The following PBX3 variants were observed in gnomAD, a reference collection of about 807,000 sequenced individuals.
PBX3 encodes the protein pre-B-cell leukemia transcription factor 3.
PBX3 carries 14 observed loss-of-function variants against 48.5 expected under a neutral mutation model. That is an observed-to-expected ratio of 0.29 (90% confidence interval 0.19 to 0.45). The LOEUF (loss-of-function observed/expected upper bound fraction) is 0.45, where lower values mean the gene tolerates loss of function less well. PBX3 is among the 20% of genes least tolerant of loss of function. The pLI is 1.00. For synonymous variants in PBX3, 210 were observed against 200.3 expected (o/e 1.05, Z -0.41); for missense variants, 386 against 546.7 (o/e 0.71, Z 2.93).
At chr9:125,749,644 TG>T (rs2131942078) in intron 2 of PBX3, 1 of 151,918 alleles carries the variant, frequency 6.6e-6, no homozygotes, top group South Asian at 2.1e-4. Context: ...GAGAAAAAGT[TG>T]AAGTCCAGGA....
At position 125,750,111 on chromosome 9, in the gene PBX3, A is replaced by G. The variant is rs4147324; in HGVS notation, c.274+1488A>G. On this transcript the variant is annotated intron_variant, in intron 2 of 8. Transcript: ENST00000373489. ...ATTCTTAGTTTAGAAGCTTAAAAGT[A>G]TGCAATTCTCAGTAAATTCTGATGC... is the stretch of plus-strand genomic sequence containing the variant. Among the ~76,000 whole-genome samples the G allele has an allele frequency of 9.8e-5, 15 of 152,384 alleles. No homozygotes were observed. In the East Asian group the frequency reaches 2.3e-3, roughly 23 times the overall value.
intron 2 of PBX3, among the ~76,000 whole-genome samples, chr9:125,776,067 T>C (rs1008885840): frequency 1.3e-5 from 2 of 152,198 alleles, no homozygotes; most frequent in Admixed American, 1.3e-4. Context: ...TCCTTTCCAA[T>C]TTGGATGCCT....
chr9:125,769,407 C>A (rs918438879), intron 2 of PBX3, among the ~76,000 whole-genome samples: 31 of 152,310 alleles, frequency 2.0e-4, no homozygotes, highest in African/African-American at 7.0e-4. Flanking sequence ...TTCAGAACTA[C>A]AAGTCTGTGT....
At chr9:125,815,909 G>A (rs1198229497) in intron 2 of PBX3, among the ~76,000 whole-genome samples, 2 of 152,092 alleles carry the variant, frequency 1.3e-5, no homozygotes, top group Non-Finnish European at 2.9e-5. Flanking sequence ...TCATTGTGGT[G>A]TCTCATTTGT....
At chr9:125,780,607 C>T (rs1837248248) in intron 2 of PBX3, among the ~76,000 whole-genome samples, 1 of 131,260 alleles carries the variant, frequency 7.6e-6, no homozygotes, top group South Asian at 2.5e-4. Flanking sequence ...AGGCGCCCCT[C>T]ACCTCCCGGA....
At chr9:125,882,773 A>G (rs112542194) in intron 2 of PBX3, among the ~76,000 whole-genome samples, 1 of 152,176 alleles carries the variant, frequency 6.6e-6, no homozygotes, top group Non-Finnish European at 1.5e-5. Flanking sequence ...CTGCATGTAG[A>G]TATGGTCTGT....
chr9:125,757,335 T>C (rs1042662208), intron 2 of PBX3, among the ~76,000 whole-genome samples: 2 of 152,022 alleles, frequency 1.3e-5, no homozygotes, highest in African/African-American at 2.4e-5. Context: ...AGATATATCA[T>C]TTTCAACTTG....
intron 2 of PBX3, among the ~76,000 whole-genome samples, chr9:125,776,619 T>A (rs1837077636): frequency 6.6e-6 from 1 of 152,240 alleles, no homozygotes; most frequent in South Asian, 2.1e-4. Flanking sequence ...CACTGCAAAC[T>A]CTGCCCCCCG....
At chr9:125,781,593 C>T (rs914483412) in intron 2 of PBX3, among the ~76,000 whole-genome samples, 1 of 146,202 alleles carries the variant, frequency 6.8e-6, no homozygotes, top group Non-Finnish European at 1.5e-5. Context: ...AGGCGAGAGG[C>T]GAGAGGGAGA....
intron 3 of PBX3, among the ~76,000 whole-genome samples, chr9:125,926,538 AT>A (rs1338723438): frequency 6.7e-6 from 1 of 149,800 alleles, no homozygotes; most frequent in Non-Finnish European, 1.5e-5. Flanking sequence ...GCCAGGTGCT[AT>A]TTATTACAGG....
rs999789240 is a variant in PBX3 at position 125,759,369 on chromosome 9, G to A, written c.274+10746G>A. Among the ~76,000 whole-genome samples, 2 of 152,170 alleles carry A rather than the reference G, an allele frequency of 1.3e-5. No individual in the cohort carries two copies. Among genetic ancestry groups the A allele is most frequent in the Non-Finnish European group, 2.9e-5 (2 of 68,026 alleles). On this transcript the variant is annotated intron_variant, in intron 2 of 8. Coordinates refer to ENST00000373489, the MANE Select transcript of PBX3 (RefSeq NM_006195.6). This position sits in a 1 kb window ranked among gnomAD's most constrained non-coding sequence, Gnocchi z 4.2. ...GTGACTAGATAGAGCAGAGGAGAAT[G>A]GCTTCCTCCTGGCTGGTGGGCTGGC...
intron 5 of PBX3, among the ~76,000 whole-genome samples, chr9:125,948,650 G>GGTGTGT (rs1564187167): frequency 3.3e-5 from 5 of 151,800 alleles, no homozygotes; most frequent in Non-Finnish European, 7.4e-5. Context: ...ATGTGTATGT[G>GGTGTGT]GTATGTGTAT....
At chr9:125,835,736 C>T (rs1478069069) in intron 2 of PBX3, among the ~76,000 whole-genome samples, 1 of 152,128 alleles carries the variant, frequency 6.6e-6, no homozygotes, top group Non-Finnish European at 1.5e-5. Flanking sequence ...GATGTAGAGA[C>T]AGGGGAACGT....
intron 2 of PBX3, among the ~76,000 whole-genome samples, chr9:125,793,576 C>G (rs1436570737): frequency 6.6e-6 from 1 of 151,392 alleles, no homozygotes; most frequent in Non-Finnish European, 1.5e-5. Context: ...ATTACAGGTG[C>G]TGGCCACCAC....
intron 2 of PBX3, among the ~76,000 whole-genome samples, chr9:125,910,902 T>G (rs975416591): frequency 2.6e-5 from 4 of 152,048 alleles, no homozygotes; most frequent in African/African-American, 9.7e-5. Flanking sequence ...GAAATTCAGG[T>G]GCAAATATTC....
At chr9:125,848,844 A>T (rs1161276627) in intron 2 of PBX3, among the ~76,000 whole-genome samples, 1 of 152,112 alleles carries the variant, frequency 6.6e-6, no homozygotes, top group East Asian at 1.9e-4. Flanking sequence ...GATAGTGCAT[A>T]ATAATTTTCA....
chr9:125,792,701 A>ATTT (rs11410616), intron 2 of PBX3, among the ~76,000 whole-genome samples: 9 of 142,254 alleles, frequency 6.3e-5, no homozygotes, highest in Admixed American at 2.1e-4. Context: ...GGTATACTTA[A>ATTT]TTTTTTTTTT....
Position 125,747,379 on chromosome 9 carries a change from C to T in PBX3, c.-75C>T, listed in dbSNP as rs1377774056. The T allele has an allele frequency of 7.7e-5, 63 of 815,000 alleles. No individual in the cohort carries two copies. The South Asian group carries it at 8.0e-4, about 10-fold the overall frequency. 50.5% of individuals were successfully genotyped at this position (815,000 alleles called of 1,614,324 possible). ...CCCCCTCCCCCTCTTTCTTCTCCTCCCTCGTCGCCGCCGCCGCCGCCGCCG... is the reference window on the plus strand; with the variant it reads ...CCCCCTCCCCCTCTTTCTTCTCCTCTCTCGTCGCCGCCGCCGCCGCCGCCG... On this transcript the variant is annotated 5_prime_UTR_variant, in exon 1 of 9. Transcript: ENST00000373489.
At chr9:125,755,059 G>A (rs1177249667) in intron 2 of PBX3, among the ~76,000 whole-genome samples, 1 of 151,966 alleles carries the variant, frequency 6.6e-6, no homozygotes, top group Non-Finnish European at 1.5e-5. Context: ...CATTATTTGT[G>A]AGACTCAACA....
Sources: gnomAD v4.1 joint callset for allele counts (sites outside exome capture counted in the v4.1 genomes callset) on GRCh38, gnomAD v4.1.1 for gene constraint, Gnocchi (gnomAD v3.1) non-coding constraint, MANE v1.5 for transcripts, NCBI Gene and HGNC (gene_info 2026-07-23, HGNC 2026-07-21) for gene names.